AVEN: variants seen among roughly 807,000 people sequenced by gnomAD.
AVEN encodes the protein cell death regulator Aven.
A neutral mutation model predicts 38.1 loss-of-function variants in AVEN; 41 were observed. The ratio of observed to expected loss-of-function variants is 1.08; its 90% CI spans 0.84 to 1.40. The LOEUF (loss-of-function observed/expected upper bound fraction) is 1.40. AVEN is among the 40% of genes most tolerant of loss of function. The probability of loss-of-function intolerance (pLI) is 0.00; values close to 1 mark genes in which losing one functional copy is unlikely to be tolerated. For synonymous variants in AVEN, 206 were observed against 171.8 expected, an observed-to-expected ratio of 1.20 and a Z score of -1.56; for missense variants, 605 against 438.8, an observed-to-expected ratio of 1.38 and a Z score of -3.38.
intron 5 of AVEN, among the ~76,000 whole-genome samples, chr15:34,057,303 A>ATTTTTTTTT (rs59628367): frequency 6.8e-6 from 1 of 147,252 alleles, no homozygotes; most frequent in African/African-American, 2.5e-5. Context: ...CGCCCAGCTA[A>ATTTTTTTTT]TTTTTTTTTT....
At chr15:34,030,193 G>A (rs927817341) in intron 1 of AVEN, among the ~76,000 whole-genome samples, 1 of 152,090 alleles carries the variant, frequency 6.6e-6, no homozygotes. Context: ...GGCAGAGGTT[G>A]CAGGGAGCTG....
At chr15:33,928,865 T>G (rs1041448511) in intron 2 of AVEN, among the ~76,000 whole-genome samples, 12 of 152,104 alleles carry the variant, frequency 7.9e-5, no homozygotes, top group African/African-American at 2.9e-4. Context: ...AGAATCAACA[T>G]AATAACAAAT....
In AVEN at chr15:34,063,482, C is replaced by G. The variant is rs144711555; in HGVS notation, n.1127-50G>C. Reference sequence around the variant, plus strand: ...GGGCTCTGTTCAGATCCTGCTTGCGCTGTCCTCGACCCACCCTGGCCCAGC... The same window carrying G: ...GGGCTCTGTTCAGATCCTGCTTGCGGTGTCCTCGACCCACCCTGGCCCAGC... On this transcript the variant is annotated intron_variant and non_coding_transcript_variant, in intron 4 of 11. Transcript: ENST00000675287. The surrounding 1 kb of genome is among the most constrained non-coding windows in gnomAD (Gnocchi z 4.1). The G allele has an allele frequency of 1.1e-4, 174 of 1,613,868 alleles. No homozygotes were observed. The African/African-American group carries it at 2.2e-3, about 20-fold the overall frequency.
At chr15:33,928,080 A>G (rs562740012) in intron 2 of AVEN, among the ~76,000 whole-genome samples, 4 of 152,300 alleles carry the variant, frequency 2.6e-5, no homozygotes, top group Non-Finnish European at 5.9e-5. Flanking sequence ...AACTTTTCCA[A>G]CCACCACGTG....
intron 2 of AVEN, among the ~76,000 whole-genome samples, chr15:33,934,276 C>T (rs530236126): frequency 6.6e-6 from 1 of 152,124 alleles, no homozygotes; most frequent in South Asian, 2.1e-4. Context: ...TGGGGGACTC[C>T]TTGAGCCCAG....
chr15:33,883,669 A>G (rs1024768896), intron 2 of AVEN: 2 of 152,250 alleles, frequency 1.3e-5, no homozygotes, highest in Non-Finnish European at 2.9e-5. Flanking sequence ...TAAAATGATT[A>G]TCTCTCAGAA....
intron 2 of AVEN, among the ~76,000 whole-genome samples, chr15:33,929,956 A>G (rs1293615131): frequency 6.6e-6 from 1 of 152,188 alleles, no homozygotes; most frequent in Non-Finnish European, 1.5e-5. Context: ...CTCAATTATA[A>G]CTGGTATAAC....
intron 1 of AVEN, among the ~76,000 whole-genome samples, chr15:34,028,756 TTTC>T (rs1395353808): frequency 1.4e-4 from 21 of 152,250 alleles, no homozygotes; most frequent in African/African-American, 4.8e-4. Flanking sequence ...TTTCAGTAAC[TTTC>T]CTGAGATTTT....
At chr15:33,949,725 A>G (rs926878058) in intron 2 of AVEN, among the ~76,000 whole-genome samples, 3 of 152,186 alleles carry the variant, frequency 2.0e-5, no homozygotes, top group African/African-American at 7.2e-5. Context: ...AAATTTAATG[A>G]TATGTAAATT....
intron 2 of AVEN, among the ~76,000 whole-genome samples, chr15:33,928,659 C>A (rs55877826): frequency 0.033 from 5,028 of 152,262 alleles, 121 homozygotes; most frequent in Non-Finnish European, 0.054. Flanking sequence ...GCCATCCTGA[C>A]TTGATTGCCA....
At chr15:33,944,453 T>A (rs1202453013) in intron 2 of AVEN, among the ~76,000 whole-genome samples, 1 of 152,118 alleles carries the variant, frequency 6.6e-6, no homozygotes, top group Non-Finnish European at 1.5e-5. Context: ...CTGGACAAAG[T>A]TTCCATGTTA....
chr15:34,031,450 C>G (rs1313885372), intron 1 of AVEN, among the ~76,000 whole-genome samples: 1 of 152,104 alleles, frequency 6.6e-6, no homozygotes. Context: ...GCTGGGATTA[C>G]GGGCATGAGC....
chr15:34,023,084 G>C (rs1898280995), intron 1 of AVEN, among the ~76,000 whole-genome samples: 2 of 152,190 alleles, frequency 1.3e-5, no homozygotes, highest in Non-Finnish European at 2.9e-5. Flanking sequence ...CTACTCAGGA[G>C]GCTGAGGCAG....
chr15:34,050,687 G>A (rs1899898751), intron 5 of AVEN, among the ~76,000 whole-genome samples: 3 of 152,130 alleles, frequency 2.0e-5, no homozygotes, highest in African/African-American at 7.2e-5. Flanking sequence ...ACAGAAAAAA[G>A]TAGGGGTTGC....
intron 1 of AVEN, among the ~76,000 whole-genome samples, chr15:34,025,062 T>A (rs1597365513): frequency 6.7e-6 from 1 of 149,510 alleles, no homozygotes; most frequent in African/African-American, 2.5e-5. Flanking sequence ...TCCAGCTACT[T>A]GGGAGGCTGA....
chr15:33,932,842 T>C (rs867790707), intron 2 of AVEN, among the ~76,000 whole-genome samples: 31 of 147,384 alleles, frequency 2.1e-4, no homozygotes, highest in Middle Eastern at 3.2e-3. Flanking sequence ...AACAAACAAA[T>C]AAATAAATAA....
In AVEN at chr15:34,039,064, T is replaced by C; in HGVS notation, c.-18A>G. The stretch of plus-strand genomic sequence containing the variant: ...GCCTGCATCTGGCCGCCGCTGGCGG[T>C]GCTGAGCGCGCGGGAGCCGAGCTGC... On this transcript the variant is annotated 5_prime_UTR_variant, in exon 1 of 6. Coordinates refer to ENST00000306730, the MANE Select transcript of AVEN (RefSeq NM_020371.3). The C allele has an allele frequency of 1.1e-5, 12 of 1,092,092 alleles. No homozygotes were observed. Among genetic ancestry groups the C allele is most frequent in the Non-Finnish European group, 1.3e-5 (12 of 899,784 alleles). 67.7% of individuals were successfully genotyped at this position (1,092,092 alleles called of 1,614,324 possible).
At chr15:34,032,509 G>C (rs776597860) in intron 1 of AVEN, among the ~76,000 whole-genome samples, 8 of 152,180 alleles carry the variant, frequency 5.3e-5, no homozygotes, top group Non-Finnish European at 1.2e-4. Context: ...TTCTGCAAAT[G>C]ATGGATAGCC....
chr15:34,022,128 G>A (rs548418657), intron 1 of AVEN, among the ~76,000 whole-genome samples: 1 of 152,312 alleles, frequency 6.6e-6, no homozygotes, highest in East Asian at 1.9e-4. Context: ...AAAGCTGTTT[G>A]GCTGGCATGC....
Sources: allele counts gnomAD v4.1 joint callset (sites outside exome capture counted in the v4.1 genomes callset), GRCh38; gene constraint gnomAD v4.1.1; non-coding constraint Gnocchi (gnomAD v3.1); transcripts MANE v1.5; gene names NCBI Gene and HGNC (gene_info 2026-07-23, HGNC 2026-07-21).